The following SYN3 variants were observed in gnomAD, a reference collection of about 807,000 sequenced individuals.
SYN3 encodes the protein synapsin III.
Under a neutral mutation model 65.8 loss-of-function variants are expected in SYN3, and 35 were observed. That is an observed-to-expected ratio of 0.53 (90% CI 0.41 to 0.70). The LOEUF (loss-of-function observed/expected upper bound fraction) is 0.70. SYN3 is among the 30% of genes least tolerant of loss of function. The probability of loss-of-function intolerance (pLI) is 0.00; values close to 1 mark genes in which losing one functional copy is unlikely to be tolerated. For missense variants in SYN3, 680 were observed against 749.0 expected, an observed-to-expected ratio of 0.91 and a Z score of 1.08; for synonymous variants, 270 against 292.9, an observed-to-expected ratio of 0.92 and a Z score of 0.80.
chr22:32,756,890 C>G (rs1453455321), intron 6 of SYN3, among the ~76,000 whole-genome samples: 1 of 152,148 alleles, frequency 6.6e-6, no homozygotes, highest in East Asian at 1.9e-4. Context: ...GAAAGAAAAG[C>G]CTAACACACC....
intron 6 of SYN3, among the ~76,000 whole-genome samples, chr22:32,702,790 C>A (rs1280280073): frequency 2.0e-5 from 3 of 152,022 alleles, no homozygotes; most frequent in African/African-American, 7.2e-5. Context: ...GTGAATATTG[C>A]AGTTGTTTGA....
chr22:32,754,692 C>T (rs1424932438), intron 6 of SYN3, among the ~76,000 whole-genome samples: 2 of 152,242 alleles, frequency 1.3e-5, no homozygotes, highest in African/African-American at 2.4e-5. Flanking sequence ...CTCAGACGTT[C>T]CCTGAGCATA....
At chr22:33,007,541 G>A (rs1407014828) in intron 1 of SYN3, among the ~76,000 whole-genome samples, 1 of 152,178 alleles carries the variant, frequency 6.6e-6, no homozygotes, top group East Asian at 1.9e-4. Flanking sequence ...GTGGGGTCAT[G>A]AGGGTGTGGC....
At chr22:32,664,743 G>T (rs1366607294) in intron 6 of SYN3, among the ~76,000 whole-genome samples, 1 of 150,942 alleles carries the variant, frequency 6.6e-6, no homozygotes, top group African/African-American at 2.4e-5. Flanking sequence ...TGCGCCCGCC[G>T]CCAAGCCCGG....
chr22:32,746,522 C>G (rs1246500554), intron 6 of SYN3, among the ~76,000 whole-genome samples: 1 of 152,172 alleles, frequency 6.6e-6, no homozygotes, highest in Non-Finnish European at 1.5e-5. Context: ...GTGGTGAAGG[C>G]TTCACCATGG....
intron 1 of SYN3, among the ~76,000 whole-genome samples, chr22:33,039,875 T>G (rs954312493): frequency 7.2e-5 from 11 of 152,222 alleles, no homozygotes; most frequent in African/African-American, 1.2e-4. Context: ...CAGGGATTTT[T>G]GCTTATTTTT....
At chr22:32,779,520 C>T (rs2045982888) in intron 6 of SYN3, among the ~76,000 whole-genome samples, 1 of 152,166 alleles carries the variant, frequency 6.6e-6, no homozygotes, top group South Asian at 2.1e-4. Context: ...TCACTAGTCA[C>T]CCCTCATTAA....
At chr22:32,537,926 A>T in intron 9 of SYN3, 110 bp downstream of exon 9, 1 of 892,384 alleles carries the variant, frequency 1.1e-6, no homozygotes, top group Non-Finnish European at 1.8e-6. Context: ...GTGGATGGTG[A>T]GGCACTGGAC....
chr22:32,838,416 A>C (rs1252130280), intron 6 of SYN3, among the ~76,000 whole-genome samples: 1 of 152,138 alleles, frequency 6.6e-6, no homozygotes, highest in African/African-American at 2.4e-5. Flanking sequence ...CCTGCAGAGG[A>C]GTCAGCAGGT....
rs2048649925 is a variant in SYN3 at position 32,864,930 on chromosome 22, G to A, written c.696C>T (p.Pro232=). Reference sequence around the variant, plus strand: ...GGGCACTCACCATTGGCTTATGGTTGGGGAAAAATGTTTGCTCCACAAGCG... The same window carrying A: ...GGGCACTCACCATTGGCTTATGGTTAGGGAAAAATGTTTGCTCCACAAGCG... ...KFPLVEQTFF[P]NHKPMVTAPH... is the part of the protein sequence containing the mutation. The change falls in exon 6 of 14, where the codon CCC becomes CCT. Residue 232 remains proline, a synonymous_variant. Coordinates refer to ENST00000358763, the MANE Select transcript of SYN3 (RefSeq NM_003490.4). 1.9e-6 allele frequency: 3 copies of A among 1,613,926 alleles called. No individual in the cohort carries two copies. The highest frequency in any genetic ancestry group is 2.7e-5 in the African/African-American group (2 of 74,932).
intron 7 of SYN3, among the ~76,000 whole-genome samples, chr22:32,545,259 G>A (rs2058320153): frequency 6.6e-6 from 1 of 152,236 alleles, no homozygotes; most frequent in African/African-American, 2.4e-5. Flanking sequence ...GGCTGCTTTT[G>A]TGCAGAGCAG....
chr22:32,739,090 C>T (rs1311331634), intron 6 of SYN3, among the ~76,000 whole-genome samples: 1 of 151,976 alleles, frequency 6.6e-6, no homozygotes, highest in Non-Finnish European at 1.5e-5. Flanking sequence ...TTGGCTGTGT[C>T]CCAATCCAAA....
intron 7 of SYN3, among the ~76,000 whole-genome samples, chr22:32,547,208 C>T (rs1225995309): frequency 6.6e-6 from 1 of 152,100 alleles, no homozygotes; most frequent in East Asian, 1.9e-4. Flanking sequence ...TGGTCTTGAA[C>T]ACGTAGGTTC....
chr22:32,820,267 C>CGCGTGTGTGTGTGTGTGT, intron 6 of SYN3, among the ~76,000 whole-genome samples: 1 of 143,448 alleles, frequency 7.0e-6, no homozygotes, highest in South Asian at 2.4e-4. Context: ...TGTGTGCGTG[C>CGCGTGTGTGTGTGTGTGT]GCGTGTGTGT....
At chr22:32,830,655 G>A (rs1464595034) in intron 6 of SYN3, among the ~76,000 whole-genome samples, 1 of 152,048 alleles carries the variant, frequency 6.6e-6, no homozygotes, top group Non-Finnish European at 1.5e-5. Flanking sequence ...GGGATCCACA[G>A]GGCCACCCCC....
At chr22:32,569,604 C>A (rs1380116465) in intron 7 of SYN3, among the ~76,000 whole-genome samples, 9 of 141,744 alleles carry the variant, frequency 6.3e-5, no homozygotes, top group South Asian at 2.2e-4. Flanking sequence ...CTATCTATTT[C>A]TTCTAGGTGA....
chr22:32,860,297 T>A (rs1257647018), intron 6 of SYN3: 1 of 152,642 alleles, frequency 6.6e-6, no homozygotes, highest in Non-Finnish European at 1.5e-5. Context: ...CCATACACTA[T>A]CCACAGATAT....
At chr22:32,739,176 G>C (rs955250039) in intron 6 of SYN3, among the ~76,000 whole-genome samples, 11 of 137,204 alleles carry the variant, frequency 8.0e-5, no homozygotes, top group Middle Eastern at 3.8e-3. Context: ...TGAATCACAG[G>C]GGGGGGGCGG....
chr22:32,996,462 A>G (rs946968760), intron 2 of SYN3, among the ~76,000 whole-genome samples: 1 of 152,172 alleles, frequency 6.6e-6, no homozygotes, highest in Admixed American at 6.5e-5. Flanking sequence ...CTTTACAGAC[A>G]AAGAAACTGA....
Sources: gnomAD v4.1 joint callset for allele counts (sites outside exome capture counted in the v4.1 genomes callset) on GRCh38, gnomAD v4.1.1 for gene constraint, MANE v1.5 for transcripts, NCBI Gene and HGNC (gene_info 2026-07-23, HGNC 2026-07-21) for gene names.